Variants in UBE2D1 observed in about 807,000 individuals in gnomAD.
UBE2D1 encodes ubiquitin-conjugating enzyme E2 D1.
A neutral mutation model predicts 24.6 loss-of-function variants in UBE2D1; 9 were observed. The observed-to-expected ratio is 0.37, with a 90% CI of 0.22 to 0.64. The LOEUF is 0.64. UBE2D1 is among the 30% of genes least tolerant of loss of function. The pLI is 0.64. For synonymous variants in UBE2D1, 57 were observed against 57.6 expected, an observed-to-expected ratio of 0.99 and a Z score of 0.04; for missense variants, 87 against 177.1, an observed-to-expected ratio of 0.49 and a Z score of 2.89.
intron 1 of UBE2D1, chr10:58,361,015 C>T (rs576611672): frequency 2.1e-6 from 1 of 467,258 alleles, no homozygotes; most frequent in South Asian, 1.8e-5. Context: ...TACCTGTTTT[C>T]TGATATATTA....
Position 58,342,466 on chromosome 10 carries a change from C to T in UBE2D1, c.24+7241C>T, listed in dbSNP as rs550933363. Among the ~76,000 whole-genome samples, 15 of 152,130 alleles carry T rather than the reference C, an allele frequency of 9.9e-5. No individual in the cohort carries two copies. In the South Asian group the frequency reaches 2.9e-3, roughly 29 times the overall value. Reference sequence around the variant, plus strand: ...ATTCTAGGTGGCCACCCTCCTTATGCGAGCAGAGTTTGGGAGTAGTATGGT... The same window carrying T: ...ATTCTAGGTGGCCACCCTCCTTATGTGAGCAGAGTTTGGGAGTAGTATGGT... On this transcript the variant is annotated intron_variant, in intron 1 of 6. Transcript: ENST00000373910.
At chr10:58,355,615 G>A (rs908483837) in intron 1 of UBE2D1, among the ~76,000 whole-genome samples, 2 of 152,064 alleles carry the variant, frequency 1.3e-5, no homozygotes, top group Admixed American at 1.3e-4. Flanking sequence ...GGGAGTACAG[G>A]AAAATAATTA....
chr10:58,361,280 A>G, intron 1 of UBE2D1, 58 bp from the exon 2 acceptor site: 1 of 1,546,778 alleles, frequency 6.5e-7, no homozygotes. Flanking sequence ...ATGGATCATT[A>G]CCCTTGTTTC....
intron 1 of UBE2D1, among the ~76,000 whole-genome samples, chr10:58,358,954 A>G (rs540556030): frequency 6.6e-6 from 1 of 151,226 alleles, no homozygotes; most frequent in East Asian, 1.9e-4. Context: ...ACATGGACCA[A>G]AGAAGCAGCT....
chr10:58,347,957 C>A (rs1328318462), intron 1 of UBE2D1, among the ~76,000 whole-genome samples: 1 of 152,186 alleles, frequency 6.6e-6, no homozygotes, highest in Non-Finnish European at 1.5e-5. Context: ...CCCTAAATTA[C>A]ACTCTTCATA....
chr10:58,347,026 A>G (rs1840024820), intron 1 of UBE2D1, among the ~76,000 whole-genome samples: 1 of 152,256 alleles, frequency 6.6e-6, no homozygotes, highest in South Asian at 2.1e-4. Flanking sequence ...GGTCTAGGCA[A>G]TCTCTTCAGA....
At chr10:58,360,601 C>T (rs552350940) in intron 1 of UBE2D1, among the ~76,000 whole-genome samples, 1 of 152,174 alleles carries the variant, frequency 6.6e-6, no homozygotes, top group Non-Finnish European at 1.5e-5. Flanking sequence ...GGCCTGACTG[C>T]TGCTCGTTTA....
intron 1 of UBE2D1, among the ~76,000 whole-genome samples, chr10:58,357,033 G>A (rs2132326634): frequency 6.6e-6 from 1 of 152,190 alleles, no homozygotes; most frequent in East Asian, 1.9e-4. Flanking sequence ...GGTAGTGGTG[G>A]AATAGGAAGA....
intron 1 of UBE2D1, among the ~76,000 whole-genome samples, chr10:58,344,048 TAA>T (rs1407731457): frequency 6.6e-6 from 1 of 152,210 alleles, no homozygotes; most frequent in Non-Finnish European, 1.5e-5. Flanking sequence ...TAATTTCCTG[TAA>T]AGTTTTTCTT....
chr10:58,345,962 A>G (rs984451315), intron 1 of UBE2D1, among the ~76,000 whole-genome samples: 9 of 152,100 alleles, frequency 5.9e-5, no homozygotes, highest in Non-Finnish European at 1.2e-4. Context: ...TACTTAATGC[A>G]GAAGATTGGG....
intron 3 of UBE2D1, among the ~76,000 whole-genome samples, chr10:58,363,019 A>G (rs1269184603): frequency 1.3e-5 from 2 of 152,136 alleles, no homozygotes; most frequent in East Asian, 3.8e-4. Flanking sequence ...TGATAGTAGC[A>G]TGAATATATA....
chr10:58,349,877 T>A (rs1840054230), intron 1 of UBE2D1, among the ~76,000 whole-genome samples: 1 of 152,222 alleles, frequency 6.6e-6, no homozygotes, highest in Non-Finnish European at 1.5e-5. Context: ...AGCCTGTTTT[T>A]GAACGTTATT....
chr10:58,349,144 T>C (rs1840046216), intron 1 of UBE2D1, among the ~76,000 whole-genome samples: 1 of 152,368 alleles, frequency 6.6e-6, no homozygotes, highest in Non-Finnish European at 1.5e-5. Context: ...GTGGCTTTAT[T>C]GTAAGTGCTT....
At chr10:58,335,407 G>A (rs1207215550) in intron 1 of UBE2D1, among the ~76,000 whole-genome samples, 182 bp downstream of exon 1, 1 of 152,234 alleles carries the variant, frequency 6.6e-6, no homozygotes, top group Non-Finnish European at 1.5e-5. Flanking sequence ...TGGGAGCAGG[G>A]TCAGGTCCCA....
Position 58,357,381 on chromosome 10 carries a change from G to A in UBE2D1, c.25-3957G>A, listed in dbSNP as rs931826323. Among the ~76,000 whole-genome samples the A allele has an allele frequency of 4.6e-5, 7 of 152,118 alleles. 2 individuals carry two copies. The South Asian group carries it at 1.4e-3, about 31-fold the overall frequency. ...TAAGGCAGTTCCAGAAAAACTTAGA[G>A]TAATCTAAATCAAAAGAAAGAATTC... On this transcript the variant is annotated intron_variant, in intron 1 of 6. Coordinates refer to ENST00000373910, the MANE Select transcript of UBE2D1 (RefSeq NM_003338.5).
intron 2 of UBE2D1, 29 bp downstream of exon 2, chr10:58,361,430 G>T (rs1165505530): frequency 1.2e-6 from 2 of 1,614,120 alleles, no homozygotes; most frequent in Non-Finnish European, 1.7e-6. Context: ...CTGGGATTAT[G>T]CTACCTTTAA....
intron 1 of UBE2D1, among the ~76,000 whole-genome samples, chr10:58,354,230 A>C (rs149867388): frequency 1.3e-5 from 2 of 152,198 alleles, no homozygotes. Flanking sequence ...AAATTGCCCA[A>C]GGTCACACAG....
rs1377052486 is a variant in UBE2D1 at position 58,369,990 on chromosome 10, A to T, written c.*1225A>T. On this transcript the variant is annotated 3_prime_UTR_variant, in exon 7 of 7. Coordinates refer to ENST00000373910, the MANE Select transcript of UBE2D1 (RefSeq NM_003338.5). ...TGATGTAATTGACATTACATTTCTT[A>T]ACATTTTAAAATCTAGAATTTCTAA... The T allele has an allele frequency of 1.3e-5, 2 of 151,968 alleles. No individual in the cohort carries two copies. Among genetic ancestry groups the T allele is most frequent in the East Asian group, 3.8e-4 (2 of 5,318 alleles). 9.4% of individuals were successfully genotyped at this position (151,968 alleles called of 1,614,324 possible).
intron 1 of UBE2D1, chr10:58,361,000 A>G: frequency 2.2e-6 from 1 of 462,568 alleles, no homozygotes; most frequent in South Asian, 1.7e-5. Context: ...AACCTGTTAA[A>G]ATAGTACCTG....
Sources: gnomAD v4.1 joint callset for allele counts (sites outside exome capture counted in the v4.1 genomes callset) on GRCh38, gnomAD v4.1.1 for gene constraint, MANE v1.5 for transcripts, NCBI Gene and HGNC (gene_info 2026-07-23, HGNC 2026-07-21) for gene names.